PLCB3: variants seen among roughly 807,000 people sequenced by gnomAD.
PLCB3 encodes the protein 1-phosphatidylinositol 4,5-bisphosphate phosphodiesterase beta-3.
A neutral mutation model predicts 152.1 loss-of-function variants in PLCB3; 54 were observed. That is an observed-to-expected ratio of 0.36 (90% confidence interval 0.29 to 0.45). The LOEUF is 0.45. Ranked by LOEUF, PLCB3 falls within the 20% of genes least tolerant of loss-of-function variation. PLCB3 has a pLI of 1.00. For synonymous variants in PLCB3, 717 were observed against 698.7 expected, an observed-to-expected ratio of 1.03 and a Z score of -0.41; for missense variants, 1,248 against 1,687.5, an observed-to-expected ratio of 0.74 and a Z score of 4.56.
rs1244187427 is a variant in PLCB3, at chr11:64,257,894, C to T, written c.1013-579C>T. Among the ~76,000 whole-genome samples, 4 of 152,104 alleles carry T rather than the reference C, an allele frequency of 2.6e-5. No homozygotes were observed. The East Asian group carries it at 7.7e-4, about 29-fold the overall frequency. ...TGAGGCCAGGCACAGTGGTTCACAC[C>T]TGTAATCCCAGAACTTTGAAAGGCT... On this transcript the variant is annotated intron_variant, in intron 10 of 30. Transcript: ENST00000279230.
At chr11:64,261,362 C>T (rs540250834) in intron 14 of PLCB3, 38 bp from the exon 15 acceptor site, 12 of 1,480,484 alleles carry the variant, frequency 8.1e-6, no homozygotes, top group African/African-American at 5.5e-5. Context: ...CCAGCTGTGG[C>T]GGGAATGGCA....
rs1371760533 is a variant in PLCB3 at position 64,261,632 on chromosome 11, A to T, written c.1880A>T (p.Glu627Val). 2 of 1,614,110 alleles carry T rather than the reference A, an allele frequency of 1.2e-6. No individual in the cohort carries two copies. Among genetic ancestry groups the T allele is most frequent in the Non-Finnish European group, 1.7e-6 (2 of 1,180,008 alleles). Residue 627 changes from glutamate to valine, a missense_variant, in exon 16 of 31, where the codon GAG (glutamate) becomes GTG (valine). This residue lies in a region of PLCB3 where 244 missense variants were observed against 424.4 expected (regional missense o/e 0.57). Transcript: ENST00000279230. ...TCCTTTGTGGAGACCAAGGCCATGG[A>T]GCAACTGACCAAGAGCCCCATGGAG... ...MSSFVETKAM[E>V]QLTKSPMEFV... is the part of the protein sequence containing the mutation.
chr11:64,253,372 C>T (rs564008377), intron 1 of PLCB3, among the ~76,000 whole-genome samples: 1 of 152,336 alleles, frequency 6.6e-6, no homozygotes, highest in South Asian at 2.1e-4. Context: ...CAGCACATGC[C>T]TCTTAGGCTG....
In PLCB3 at chr11:64,267,424, G is replaced by A. The variant is rs1320945610; in HGVS notation, c.3573G>A (p.Leu1191=). Residue 1191 remains leucine, a synonymous_variant, in exon 31 of 31, where the codon CTG becomes CTA. Transcript: ENST00000279230. This position sits in a 1 kb window ranked among gnomAD's most constrained non-coding sequence, Gnocchi z 5.2. ...TCCCCCAGGAGATCCGCCGGAGCCT[G>A]CTGGGCGAGATGCCGGAGGGGCTGG... ...ARLPQEIRRS[L]LGEMPEGLGD... 1.3e-6 allele frequency: 2 copies of A among 1,544,754 alleles called. No homozygotes were observed. Among genetic ancestry groups the A allele is most frequent in the East Asian group, 2.4e-5 (1 of 41,306 alleles).
intron 14 of PLCB3, among the ~76,000 whole-genome samples, chr11:64,260,772 C>CAAAAA (rs10689916): frequency 1.4e-4 from 10 of 71,566 alleles, no homozygotes; most frequent in East Asian, 1.4e-3. Context: ...GACACTATCT[C>CAAAAA]AAAAAAAAAA....
chr11:64,259,472 C>T (rs1321934298), intron 13 of PLCB3, among the ~76,000 whole-genome samples: 8 of 152,170 alleles, frequency 5.3e-5, no homozygotes, highest in Admixed American at 3.3e-4. Flanking sequence ...TGACTCCCAA[C>T]CTCAGCCTCT....
intron 24 of PLCB3, 33 bp from the exon 25 acceptor site, chr11:64,265,277 A>AC: frequency 3.4e-6 from 2 of 588,090 alleles, no homozygotes; most frequent in East Asian, 6.3e-5. Flanking sequence ...AGGTTCCCCC[A>AC]CCCCCCGCCC....
intron 1 of PLCB3, 28 bp downstream of exon 1, chr11:64,251,776 A>G: frequency 7.8e-7 from 1 of 1,285,918 alleles, no homozygotes; most frequent in African/African-American, 1.6e-5. Context: ...TGCTCCGCCC[A>G]AATCCCGGGA....
At chr11:64,252,876 G>T (rs1463601117) in intron 1 of PLCB3, among the ~76,000 whole-genome samples, 1 of 152,148 alleles carries the variant, frequency 6.6e-6, no homozygotes, top group African/African-American at 2.4e-5. Flanking sequence ...TGCCTTTGAG[G>T]TCCAGACCCC....
chr11:64,255,318 GC>G lies in PLCB3; in HGVS notation c.467+9del. ...GAACACCTTCCTGCGCAAAGCGTGA[GC>G]CCCAGGCCACCCGAGGGGGAGCCGG... On this transcript the variant is annotated splice_donor_region_variant and intron_variant, in intron 5 of 30. Transcript: ENST00000279230. This position sits in a 1 kb window ranked among gnomAD's most constrained non-coding sequence, Gnocchi z 6.8. 1 of 1,613,772 alleles carries G rather than the reference GC, an allele frequency of 6.2e-7. No homozygotes were observed. The highest frequency in any genetic ancestry group is 8.5e-7 in the Non-Finnish European group (1 of 1,179,812).
chr11:64,256,394 A>T lies in PLCB3; in HGVS notation c.717A>T (p.Pro239=), dbSNP rs773612517. The T allele has an allele frequency of 4.3e-6, 7 of 1,613,430 alleles. No individual in the cohort carries two copies. The African/African-American group carries it at 9.3e-5, about 22-fold the overall frequency. ...ILLEIGAKGK[P]YLTLEQLMDF... is the part of the protein sequence containing the mutation. The stretch of plus-strand genomic sequence containing the variant: ...CCTCCAGAGGCGCCAAGGGCAAGCC[A>T]TACCTGACGCTGGAGCAGCTCATGG... Residue 239 remains proline, a synonymous_variant, in exon 9 of 31, where the codon CCA becomes CCT. Transcript: ENST00000279230.
Position 64,261,591 on chromosome 11 carries a change from A to C in PLCB3, c.1839A>C (p.Lys613Asn), listed in dbSNP as rs2031853606. Reference sequence around the variant, plus strand: ...TGGCTCACCCCTAAGAGAGGAACAAATGCTTCGAGATGTCGTCCTTTGTGG... The same window carrying C: ...TGGCTCACCCCTAAGAGAGGAACAACTGCTTCGAGATGTCGTCCTTTGTGG... The part of the protein sequence containing the change: ...KSFEAARKRN[K>N]CFEMSSFVET... The change falls in exon 16 of 31, where the codon AAA becomes AAC. Residue 613 changes from lysine to asparagine, a missense_variant. Coordinates refer to ENST00000279230, the MANE Select transcript of PLCB3 (RefSeq NM_000932.5). The C allele has an allele frequency of 6.2e-7, 1 of 1,614,046 alleles. No homozygotes were observed. Among genetic ancestry groups the C allele is most frequent in the African/African-American group, 1.3e-5 (1 of 74,930 alleles).
chr11:64,267,376 G>T lies in PLCB3; in HGVS notation c.3525G>T (p.Glu1175Asp). The T allele has an allele frequency of 6.5e-7, 1 of 1,546,506 alleles. No homozygotes were observed. The highest frequency in any genetic ancestry group is 8.7e-7 in the Non-Finnish European group (1 of 1,144,128). Reference sequence around the variant, plus strand: ...AGCTGCTGGCCCAGCTGGCCCAGGAGTGTCAGGAGCAGCGGGCGAGGCTCC... The same window carrying T: ...AGCTGCTGGCCCAGCTGGCCCAGGATTGTCAGGAGCAGCGGGCGAGGCTCC... ...EPKLLAQLAQ[E>D]CQEQRARLPQ... is the part of the protein sequence containing the mutation. The change falls in exon 31 of 31, where the codon GAG becomes GAT. Residue 1175 changes from glutamate to aspartate, a missense_variant. By Grantham distance (45) the Glu-to-Asp change is conservative. Transcript: ENST00000279230. The surrounding 1 kb of genome is among the most constrained non-coding windows in gnomAD (Gnocchi z 5.2).
chr11:64,265,194 C>T lies in PLCB3; in HGVS notation c.2809C>T (p.Gln937Ter), dbSNP rs1238588959. 1 of 1,596,778 alleles carries T rather than the reference C, an allele frequency of 6.3e-7. No individual in the cohort carries two copies. Among genetic ancestry groups the T allele is most frequent in the Non-Finnish European group, 8.5e-7 (1 of 1,170,964 alleles). Reference sequence around the variant, plus strand: ...CTCACAGGGCCTCTGCTCCCCAGGGCAGCGTGATGATCTCATCGCCAGCAT... The same window carrying T: ...CTCACAGGGCCTCTGCTCCCCAGGGTAGCGTGATGATCTCATCGCCAGCAT... Reference protein sequence around the residue: ...PASTSLSSPGQRDDLIASILS... With the variant: ...PASTSLSSPG Residue 937 changes from glutamine to a stop codon, truncating the protein, a stop_gained and splice_region_variant, in exon 24 of 31, where the codon CAG becomes TAG. Transcript: ENST00000279230. LOFTEE classifies it high-confidence loss of function.
At chr11:64,257,668 C>T (rs752756717) in intron 10 of PLCB3, among the ~76,000 whole-genome samples, 6 of 151,556 alleles carry the variant, frequency 4.0e-5, no homozygotes, top group Non-Finnish European at 5.9e-5. Context: ...GAAGCTGGTG[C>T]GGCAGGGTGC....
intron 1 of PLCB3, among the ~76,000 whole-genome samples, chr11:64,252,308 C>G (rs1176749953): frequency 6.6e-6 from 1 of 152,104 alleles, no homozygotes; most frequent in East Asian, 1.9e-4. Context: ...CAGTCACCCC[C>G]TAGTGGAGAC....
chr11:64,262,959 C>T (rs1045674833), intron 19 of PLCB3, 151 bp downstream of exon 19: 37 of 745,976 alleles, frequency 5.0e-5, no homozygotes, highest in Non-Finnish European at 5.7e-5. Flanking sequence ...CCTGCCTGTC[C>T]GAGCGTCAGT....
rs376520897 is a variant in PLCB3 at position 64,267,286 on chromosome 11, G to A, written c.3501+15G>A. 2,503 of 1,550,768 alleles carry A rather than the reference G, an allele frequency of 1.6e-3. 2 individuals carry two copies. Among genetic ancestry groups the A allele is most frequent in the Non-Finnish European group, 2.0e-3 (2,256 of 1,146,778 alleles). On this transcript the variant is annotated intron_variant, in intron 30 of 30. Transcript: ENST00000279230. The surrounding 1 kb of genome is among the most constrained non-coding windows in gnomAD (Gnocchi z 5.2). The stretch of plus-strand genomic sequence containing the variant: ...AGGAGCCCAAGGTGAGGCCATGGGC[G>A]AACAGGTGGGCAGACGGGGTGCAAG...
At position 64,261,326 on chromosome 11, in the gene PLCB3, T is replaced by G. The variant is rs1421532195; in HGVS notation, c.1732-74T>G. 4 of 1,080,342 alleles carry G rather than the reference T, an allele frequency of 3.7e-6. No homozygotes were observed. In the African/African-American group the frequency reaches 6.2e-5, roughly 17 times the overall value. The allele number at this position is 1,080,342 out of a possible 1,614,324, so 66.9% of individuals were successfully genotyped here. A position where few individuals can be genotyped will look rare whatever the true frequency, so the allele number is the denominator to read the frequency against. Reference sequence around the variant, plus strand: ...TGCTGGGAAGAGGGTCAGCACCTCCTTCATGGGGGGCAGGTGAGGGAATGG... The same window carrying G: ...TGCTGGGAAGAGGGTCAGCACCTCCGTCATGGGGGGCAGGTGAGGGAATGG... On this transcript the variant is annotated intron_variant, in intron 14 of 30. Transcript: ENST00000279230.
Sources: allele counts gnomAD v4.1 joint callset (sites outside exome capture counted in the v4.1 genomes callset), GRCh38; gene constraint gnomAD v4.1.1; regional missense constraint gnomAD v4.1.1; non-coding constraint Gnocchi (gnomAD v3.1); transcripts MANE v1.5; gene names NCBI Gene and HGNC (gene_info 2026-07-23, HGNC 2026-07-21).